RBFOX1: variants seen among roughly 807,000 people sequenced by gnomAD.
RBFOX1 encodes RNA binding protein fox-1 homolog 1.
A neutral mutation model predicts 57.7 loss-of-function variants in RBFOX1; 8 were observed. The observed-to-expected ratio is 0.14, with a 90% confidence interval of 0.08 to 0.25. RBFOX1 has a LOEUF of 0.25. RBFOX1 is among the 10% of genes least tolerant of loss of function. The pLI is 1.00. For missense variants in RBFOX1, 611 were observed against 548.5 expected (o/e 1.11, Z -1.14); for synonymous variants, 326 against 222.4 (o/e 1.47, Z -4.15).
intron 1 of RBFOX1, among the ~76,000 whole-genome samples, chr16:6,091,572 G>A (rs2152532666): frequency 6.6e-6 from 1 of 152,348 alleles, no homozygotes; most frequent in African/African-American, 2.4e-5. Context: ...GCTCACGCCT[G>A]TAATCCCAGG....
intron 2 of RBFOX1, among the ~76,000 whole-genome samples, chr16:6,555,263 T>C (rs1410267956): frequency 2.0e-5 from 3 of 152,220 alleles, no homozygotes; most frequent in Non-Finnish European, 4.4e-5. Context: ...CTTTAATTAA[T>C]TTCCTTTCAC....
chr16:5,924,269 C>G (rs753999287), intron 4 of RBFOX1, among the ~76,000 whole-genome samples: 13 of 152,118 alleles, frequency 8.5e-5, no homozygotes, highest in Non-Finnish European at 1.8e-4. Flanking sequence ...TTCTTCATAG[C>G]AGAGTAAGAA....
chr16:5,999,972 C>T (rs976589721), intron 4 of RBFOX1, among the ~76,000 whole-genome samples: 6 of 146,972 alleles, frequency 4.1e-5, no homozygotes, highest in African/African-American at 1.0e-4. Flanking sequence ...TGTTACTGAG[C>T]GGACCACAGC....
chr16:6,657,850 C>A (rs1157418755), intron 3 of RBFOX1, among the ~76,000 whole-genome samples: 1 of 148,104 alleles, frequency 6.8e-6, no homozygotes, highest in South Asian at 2.2e-4. Context: ...TTTTATTTTA[C>A]TTTAGTTAAG....
rs1359413311 is a variant in RBFOX1, at chr16:5,717,199, C to T, written c.318+118238C>T. Among the ~76,000 whole-genome samples the T allele has an allele frequency of 2.6e-5, 4 of 152,132 alleles. No homozygotes were observed. The East Asian group carries it at 7.7e-4, about 29-fold the overall frequency. On this transcript the variant is annotated intron_variant, in intron 3 of 19. Coordinates refer to the RBFOX1 transcript ENST00000641259. ...GTTCAGTGTTATAATAATTTATAAT[C>T]TCTTAATTTCTTATTATGGTTGTTT...
chr16:5,888,790 T>C (rs2057964146), intron 4 of RBFOX1, among the ~76,000 whole-genome samples: 1 of 62,582 alleles, frequency 1.6e-5, no homozygotes, highest in African/African-American at 7.6e-5. Context: ...AGAGCGAAAC[T>C]CAGTCTAAAA....
intron 1 of RBFOX1, among the ~76,000 whole-genome samples, chr16:5,309,215 C>A (rs1036871884): frequency 1.3e-5 from 2 of 152,116 alleles, no homozygotes; most frequent in Non-Finnish European, 2.9e-5. Flanking sequence ...GCTTTTGGAA[C>A]GTCTTCTCCT....
chr16:7,179,472 C>G (rs1258526032), intron 4 of RBFOX1, among the ~76,000 whole-genome samples: 1 of 152,138 alleles, frequency 6.6e-6, no homozygotes, highest in Non-Finnish European at 1.5e-5. Flanking sequence ...TTACGGTTCA[C>G]CAAAATCTGT....
chr16:5,849,565 T>G (rs1162224438), intron 3 of RBFOX1, among the ~76,000 whole-genome samples: 2 of 152,098 alleles, frequency 1.3e-5, no homozygotes, highest in African/African-American at 4.8e-5. Flanking sequence ...CCCACATGGT[T>G]CTCAAGTCTT....
At chr16:7,029,530 A>G (rs1456383365) in intron 3 of RBFOX1, among the ~76,000 whole-genome samples, 2 of 152,020 alleles carry the variant, frequency 1.3e-5, no homozygotes, top group East Asian at 3.9e-4. Context: ...GCTAGCTCTT[A>G]AGAAATCTAA....
At chr16:6,572,027 A>G (rs1312407186) in intron 2 of RBFOX1, among the ~76,000 whole-genome samples, 3 of 152,178 alleles carry the variant, frequency 2.0e-5, no homozygotes, top group African/African-American at 7.2e-5. Flanking sequence ...CTGTATAAGT[A>G]TACAGTTTTG....
At chr16:5,440,749 A>T (rs559329760) in intron 1 of RBFOX1, among the ~76,000 whole-genome samples, 14 of 152,158 alleles carry the variant, frequency 9.2e-5, no homozygotes, top group Non-Finnish European at 1.8e-4. Context: ...AGTGGTGGTG[A>T]TAGGGATAAA....
chr16:5,760,795 T>C (rs757983261), intron 3 of RBFOX1, among the ~76,000 whole-genome samples: 7 of 152,070 alleles, frequency 4.6e-5, no homozygotes, highest in Non-Finnish European at 1.0e-4. Context: ...AAAGAATAGG[T>C]AAATCCAAAG....
At chr16:6,194,709 G>A (rs1234267175) in intron 1 of RBFOX1, among the ~76,000 whole-genome samples, 1 of 152,102 alleles carries the variant, frequency 6.6e-6, no homozygotes. Flanking sequence ...TTACATTCAT[G>A]GGCACTCCAA....
chr16:6,343,813 A>G (rs566438760), intron 2 of RBFOX1, among the ~76,000 whole-genome samples: 1 of 152,154 alleles, frequency 6.6e-6, no homozygotes, highest in Non-Finnish European at 1.5e-5. Context: ...TTCCATGCAT[A>G]ATATTCCCTT....
rs1322962593 is a variant in RBFOX1, at chr16:7,029,069, TATATATATATATACACAC to T, written c.-15-22986_-15-22969del. On this transcript the variant is annotated intron_variant, in intron 3 of 15. Coordinates refer to ENST00000550418, the MANE Select transcript of RBFOX1 (RefSeq NM_018723.4). ...AGCTATATATATATATATATATATA[TATATATATATATACACAC>T]ACACACACACACACACACACACACA... 3.5e-3 allele frequency among the ~76,000 whole-genome samples: 194 copies of T among 55,586 alleles called. 15 individuals are homozygous for T. The highest frequency in any genetic ancestry group is 0.015 in the African/African-American group (107 of 7,096). The allele number at this position is 55,586 out of a possible 152,430, so 36.5% of individuals were successfully genotyped here.
chr16:5,612,144 C>T (rs75303193), intron 3 of RBFOX1, among the ~76,000 whole-genome samples: 15,327 of 150,786 alleles, frequency 0.1, 1,232 homozygotes, highest in East Asian at 0.38. Flanking sequence ...TCCTCCCATC[C>T]ATACGTCTAC....
chr16:7,683,825 G>A (rs535994433), intron 14 of RBFOX1, among the ~76,000 whole-genome samples: 10 of 143,408 alleles, frequency 7.0e-5, no homozygotes, highest in African/African-American at 1.0e-4. Context: ...CCCTATGAAT[G>A]AGCCATTTCT....
At chr16:6,020,014 G>C (rs537275389) in intron 1 of RBFOX1, 22 bp downstream of exon 1, 4 of 1,491,180 alleles carry the variant, frequency 2.7e-6, no homozygotes, top group Non-Finnish European at 3.6e-6. Flanking sequence ...CGGAGTCATT[G>C]CCTCTGCACC....
Sources: allele counts gnomAD v4.1 joint callset (sites outside exome capture counted in the v4.1 genomes callset), GRCh38; gene constraint gnomAD v4.1.1; transcripts MANE v1.5; gene names NCBI Gene and HGNC (gene_info 2026-07-23, HGNC 2026-07-21).